CACNA1D: variants seen among roughly 807,000 people sequenced by gnomAD.
CACNA1D encodes voltage-dependent L-type calcium channel subunit alpha-1D.
In CACNA1D, 55 loss-of-function variants were observed where a neutral mutation model predicts 257.1. The ratio of observed to expected loss-of-function variants is 0.21; its 90% CI spans 0.17 to 0.27. The LOEUF (loss-of-function observed/expected upper bound fraction) is 0.27, where lower values mean the gene tolerates loss of function less well. Among genes scored for constraint, CACNA1D ranks in the 10% least tolerant of loss-of-function variants. The pLI, the probability that CACNA1D is intolerant of heterozygous loss-of-function variation, is 1.00. For synonymous variants in CACNA1D, 980 were observed against 1,014.9 expected, an observed-to-expected ratio of 0.97 and a Z score of 0.65; for missense variants, 1,876 against 2,784.0, an observed-to-expected ratio of 0.67 and a Z score of 7.34.
chr3:53,497,750 A>G (rs1000226540), intron 2 of CACNA1D, among the ~76,000 whole-genome samples: 4 of 152,090 alleles, frequency 2.6e-5, no homozygotes, highest in African/African-American at 9.7e-5. Context: ...TGTGAAACCA[A>G]CCTTTGGTTA....
chr3:53,652,907 C>G (rs1271824864), intron 4 of CACNA1D, among the ~76,000 whole-genome samples: 2 of 152,200 alleles, frequency 1.3e-5, no homozygotes, highest in African/African-American at 4.8e-5. Context: ...CTCTAGAGTA[C>G]AGAGACTACC....
chr3:53,550,474 T>C (rs1004838899), intron 3 of CACNA1D, among the ~76,000 whole-genome samples: 1 of 152,226 alleles, frequency 6.6e-6, no homozygotes, highest in African/African-American at 2.4e-5. Flanking sequence ...ACTGTCGGCC[T>C]TCCTGTGTAA....
chr3:53,573,987 CT>C (rs1482159277), intron 3 of CACNA1D, among the ~76,000 whole-genome samples: 1 of 152,192 alleles, frequency 6.6e-6, no homozygotes, highest in African/African-American at 2.4e-5. Context: ...GTGAGGGACT[CT>C]TGGCAAAGCA....
chr3:53,557,829 C>T (rs758438442), intron 3 of CACNA1D, among the ~76,000 whole-genome samples: 14 of 152,112 alleles, frequency 9.2e-5, no homozygotes, highest in Non-Finnish European at 1.3e-4. Flanking sequence ...AAATTTTTGT[C>T]GTTCATTTTA....
intron 40 of CACNA1D, among the ~76,000 whole-genome samples, chr3:53,798,263 GC>G (rs2095516782): frequency 6.6e-6 from 1 of 152,174 alleles, no homozygotes; most frequent in African/African-American, 2.4e-5. Flanking sequence ...GCTCAGATGT[GC>G]TGAACTCGTG....
chr3:53,565,598 G>A (rs941462921), intron 3 of CACNA1D, among the ~76,000 whole-genome samples: 11 of 152,172 alleles, frequency 7.2e-5, no homozygotes, highest in Non-Finnish European at 2.9e-5. Flanking sequence ...TTCTGTTTAA[G>A]TTCAGTTGCG....
intron 3 of CACNA1D, among the ~76,000 whole-genome samples, chr3:53,531,278 C>A (rs1384039506): frequency 6.6e-6 from 1 of 152,044 alleles, no homozygotes; most frequent in Non-Finnish European, 1.5e-5. Flanking sequence ...GTTTAATATA[C>A]CCTTAAGAAT....
intron 25 of CACNA1D, among the ~76,000 whole-genome samples, chr3:53,747,016 T>A (rs1267536761): frequency 6.6e-6 from 1 of 152,202 alleles, no homozygotes; most frequent in African/African-American, 2.4e-5. Flanking sequence ...GCTCTCACCA[T>A]GCTGTGGTTT....
chr3:53,567,639 C>A (rs770507309), intron 3 of CACNA1D, among the ~76,000 whole-genome samples: 2 of 152,178 alleles, frequency 1.3e-5, no homozygotes, highest in Middle Eastern at 3.2e-3. Flanking sequence ...GAAGAGCAGA[C>A]AACATAGCCA....
At position 53,735,371 on chromosome 3, in the gene CACNA1D, C is replaced by T; in HGVS notation, c.2622-3C>T. 1 of 1,613,932 alleles carries T rather than the reference C, an allele frequency of 6.2e-7. No individual in the cohort carries two copies. The highest frequency in any genetic ancestry group is 1.1e-5 in the South Asian group (1 of 91,080). On this transcript the variant is annotated splice_region_variant and splice_polypyrimidine_tract_variant and intron_variant, in intron 19 of 47. Transcript: ENST00000350061. ...GTTTCCAAGCAGCGGCTTTTCCCTGCAGGATCCGCGTAGGCTGCCACAAGC... is the reference window on the plus strand; with the variant it reads ...GTTTCCAAGCAGCGGCTTTTCCCTGTAGGATCCGCGTAGGCTGCCACAAGC...
At position 53,586,869 on chromosome 3, in the gene CACNA1D, A is replaced by G. The variant is rs115864804; in HGVS notation, c.484-63910A>G. ...AAGATAATCTAATAATTGAAAATAC[A>G]TCAAATACAAGGACAAATAAGAGAC... is the stretch of plus-strand genomic sequence containing the variant. On this transcript the variant is annotated intron_variant, in intron 3 of 47. Coordinates refer to ENST00000350061, the MANE Select transcript of CACNA1D (RefSeq NM_001128840.3). 3.4e-3 allele frequency among the ~76,000 whole-genome samples: 521 copies of G among 152,308 alleles called. 2 individuals are homozygous for G. Among genetic ancestry groups the G allele is most frequent in the Middle Eastern group, 0.02 (6 of 294 alleles).
intron 8 of CACNA1D, among the ~76,000 whole-genome samples, chr3:53,698,993 G>C (rs966769306): frequency 6.6e-6 from 1 of 152,178 alleles, no homozygotes; most frequent in African/African-American, 2.4e-5. Context: ...CAATCTCTTA[G>C]TAATAGGATT....
chr3:53,732,596 G>A (rs1427933027), intron 18 of CACNA1D, among the ~76,000 whole-genome samples: 2 of 152,008 alleles, frequency 1.3e-5, no homozygotes, highest in Admixed American at 6.5e-5. Flanking sequence ...CATCATTCCC[G>A]CAAACTAAAC....
intron 30 of CACNA1D, 115 bp downstream of exon 30, chr3:53,762,196 G>C: frequency 1.3e-6 from 1 of 759,070 alleles, no homozygotes; most frequent in Non-Finnish European, 2.4e-6. Flanking sequence ...CCAGTCACTT[G>C]ATCTGAAACT....
chr3:53,724,660 G>A (rs2094914125), intron 14 of CACNA1D, among the ~76,000 whole-genome samples: 1 of 152,158 alleles, frequency 6.6e-6, no homozygotes, highest in African/African-American at 2.4e-5. Flanking sequence ...CCTCCTCCTT[G>A]GACAGGGTCT....
chr3:53,644,332 A>T (rs988088439), intron 3 of CACNA1D, among the ~76,000 whole-genome samples: 11 of 152,240 alleles, frequency 7.2e-5, no homozygotes, highest in Non-Finnish European at 4.4e-5. Context: ...GAGAAAATTT[A>T]AAATGCAGTC....
chr3:53,730,108 A>G (rs1443205986), intron 15 of CACNA1D, among the ~76,000 whole-genome samples: 3 of 152,218 alleles, frequency 2.0e-5, no homozygotes. Flanking sequence ...ATTGTTTTAT[A>G]AAATGTATAA....
At chr3:53,662,644 A>G (rs554143567) in intron 5 of CACNA1D, among the ~76,000 whole-genome samples, 1 of 152,264 alleles carries the variant, frequency 6.6e-6, no homozygotes, top group East Asian at 1.9e-4. Context: ...CACATTTCTG[A>G]CCCGGTGTTC....
chr3:53,642,877 A>T (rs1046623572), intron 3 of CACNA1D, among the ~76,000 whole-genome samples: 1 of 152,240 alleles, frequency 6.6e-6, no homozygotes, highest in Non-Finnish European at 1.5e-5. Context: ...CACTTCCCAC[A>T]GGCTGGGGAG....
Sources: gnomAD v4.1 joint callset for allele counts (sites outside exome capture counted in the v4.1 genomes callset) on GRCh38, gnomAD v4.1.1 for gene constraint, MANE v1.5 for transcripts, NCBI Gene and HGNC (gene_info 2026-07-23, HGNC 2026-07-21) for gene names.